The following DCAF8L2 variants were observed in gnomAD, a reference collection of about 807,000 sequenced individuals.
DCAF8L2 encodes the protein DDB1 and CUL4 associated factor 8 like 2.
For synonymous variants in DCAF8L2, 200 were observed against 190.9 expected (o/e 1.05, Z -0.39); for missense variants, 430 against 490.7 (o/e 0.88, Z 1.17).
chrX:27,727,163 T>C (rs1029157216), intron 4 of DCAF8L2, among the ~76,000 whole-genome samples: 2 of 111,962 alleles, frequency 1.8e-5, no homozygotes, highest in Non-Finnish European at 3.8e-5. Flanking sequence ...CATCTTTCCA[T>C]AGGATCATAA....
chrX:27,620,318 C>A (rs1004918653), intron 1 of DCAF8L2, among the ~76,000 whole-genome samples: 1 of 111,532 alleles, frequency 9.0e-6, no homozygotes, highest in South Asian at 3.7e-4. Flanking sequence ...CCAGAGGATA[C>A]ACTCCAAAAA....
intron 1 of DCAF8L2, among the ~76,000 whole-genome samples, chrX:27,600,938 A>AT (rs761736457): frequency 0.031 from 3,257 of 103,982 alleles, 30 homozygotes; most frequent in Middle Eastern, 0.053. Flanking sequence ...AGTGCTCTGG[A>AT]TTTTTTTTTT....
the DCAF8L2 span, among the ~76,000 whole-genome samples, chrX:27,500,724 T>G: frequency 9.0e-6 from 1 of 111,662 alleles, no homozygotes; most frequent in Non-Finnish European, 1.9e-5. Context: ...AAGGAAAGTT[T>G]CTTGTATTAA....
chrX:27,548,167 A>T, the DCAF8L2 span, among the ~76,000 whole-genome samples: 2 of 109,147 alleles, frequency 1.8e-5, no homozygotes, highest in African/African-American at 6.6e-5. Context: ...CATAATAATG[A>T]AGCTGATTAT....
the DCAF8L2 span, chrX:27,518,051 A>G: frequency 3.1e-6 from 3 of 952,423 alleles, no homozygotes; most frequent in Non-Finnish European, 4.5e-6. Context: ...AATCCTTTAC[A>G]GTTCTAGTTT....
At chrX:27,642,050 G>C (rs1394993894) in intron 2 of DCAF8L2, among the ~76,000 whole-genome samples, 1 of 108,015 alleles carries the variant, frequency 9.3e-6, no homozygotes, top group Non-Finnish European at 1.9e-5. Flanking sequence ...CACCATGCCG[G>C]GATAATTTTT....
chrX:27,660,080 C>T (rs1000050763), intron 2 of DCAF8L2, among the ~76,000 whole-genome samples: 2 of 111,493 alleles, frequency 1.8e-5, no homozygotes, highest in African/African-American at 6.5e-5. Flanking sequence ...TGAAGTGCAA[C>T]GGCGCGATCT....
the DCAF8L2 span, among the ~76,000 whole-genome samples, chrX:27,524,076 A>G: frequency 2.7e-5 from 3 of 111,221 alleles, no homozygotes; most frequent in African/African-American, 9.8e-5. Flanking sequence ...CTCTTTTTCT[A>G]TTGATTGGAA....
chrX:27,607,761 A>G (rs1047461104), intron 1 of DCAF8L2, among the ~76,000 whole-genome samples: 32 of 110,344 alleles, frequency 2.9e-4, no homozygotes, highest in African/African-American at 1.0e-3. Context: ...TACTTCTTTC[A>G]CTGTATTATT....
chrX:27,612,847 T>C (rs1260007462), intron 1 of DCAF8L2, among the ~76,000 whole-genome samples: 1 of 112,070 alleles, frequency 8.9e-6, no homozygotes, highest in East Asian at 2.8e-4. Context: ...TTTTGGTTAC[T>C]GTAGCCTTGT....
chrX:27,583,780 A>G, the DCAF8L2 span, among the ~76,000 whole-genome samples: 79 of 111,359 alleles, frequency 7.1e-4, no homozygotes, highest in African/African-American at 2.3e-3. Flanking sequence ...CAATCCCCCA[A>G]CCACCTTGCT....
chrX:27,500,679 T>A, the DCAF8L2 span, among the ~76,000 whole-genome samples: 2,401 of 111,709 alleles, frequency 0.021, 76 homozygotes, highest in African/African-American at 0.074. Context: ...TGAGTGGCAG[T>A]TAATATTCTA....
chrX:27,527,757 T>C, the DCAF8L2 span, among the ~76,000 whole-genome samples: 1 of 109,148 alleles, frequency 9.2e-6, no homozygotes, highest in Non-Finnish European at 1.9e-5. Flanking sequence ...GTTCAAGCAA[T>C]TCTCTTGTCT....
At chrX:27,532,629 G>A in the DCAF8L2 span, among the ~76,000 whole-genome samples, 3 of 110,811 alleles carry the variant, frequency 2.7e-5, no homozygotes, top group Non-Finnish European at 5.7e-5. Flanking sequence ...CAGGTGCAGT[G>A]GCTTGCACCA....
chrX:27,515,052 T>A, the DCAF8L2 span, among the ~76,000 whole-genome samples: 1 of 111,980 alleles, frequency 8.9e-6, no homozygotes, highest in African/African-American at 3.2e-5. Context: ...CCACAAAAAA[T>A]TTATGTTTAA....
chrX:27,562,189 A>G, the DCAF8L2 span, among the ~76,000 whole-genome samples: 1 of 112,183 alleles, frequency 8.9e-6, no homozygotes, highest in Non-Finnish European at 1.9e-5. Flanking sequence ...GTGCTCCACT[A>G]TCCTTTTATC....
chrX:27,558,913 T>C, the DCAF8L2 span, among the ~76,000 whole-genome samples: 1 of 110,334 alleles, frequency 9.1e-6, no homozygotes, highest in African/African-American at 3.3e-5. Context: ...ATATGGCCAG[T>C]AGATCTTATG....
intron 2 of DCAF8L2, among the ~76,000 whole-genome samples, chrX:27,663,665 A>T (rs1412397285): frequency 9.1e-6 from 1 of 109,404 alleles, no homozygotes; most frequent in African/African-American, 3.3e-5. Flanking sequence ...ACTCCCTGAG[A>T]CACAACAATG....
At chrX:27,685,532 G>C (rs113149655) in intron 3 of DCAF8L2, among the ~76,000 whole-genome samples, 5 of 111,846 alleles carry the variant, frequency 4.5e-5, no homozygotes, top group African/African-American at 1.6e-4. Flanking sequence ...TTCGTAGTCA[G>C]AGGAATAAAA....
Sources: allele counts gnomAD v4.1 joint callset (sites outside exome capture counted in the v4.1 genomes callset), GRCh38; gene constraint gnomAD v4.1.1; transcripts MANE v1.5; gene names NCBI Gene and HGNC (gene_info 2026-07-23, HGNC 2026-07-21).